The following TMEM165 variants were observed in gnomAD, a reference collection of about 807,000 sequenced individuals.
TMEM165 encodes transmembrane protein 165, also known as putative divalent cation/proton antiporter TMEM165.
A neutral mutation model predicts 30.0 loss-of-function variants in TMEM165; 19 were observed. That is an observed-to-expected ratio of 0.63 (90% CI 0.44 to 0.93). The LOEUF (loss-of-function observed/expected upper bound fraction) is 0.93, where lower values mean the gene tolerates loss of function less well. TMEM165 is among the 40% of genes least tolerant of loss of function. The pLI is 0.00. For missense variants in TMEM165, 340 were observed against 417.0 expected (o/e 0.82, Z 1.61); for synonymous variants, 168 against 162.9 (o/e 1.03, Z -0.24).
chr4:55,402,456 T>A (rs1721060148), intron 1 of TMEM165, among the ~76,000 whole-genome samples: 1 of 100,626 alleles, frequency 9.9e-6, no homozygotes, highest in Non-Finnish European at 1.9e-5. Flanking sequence ...TTTTTTTTTT[T>A]TTTTTTTTTT....
intron 3 of TMEM165, chr4:55,438,393 T>C: frequency 6.2e-7 from 1 of 1,613,918 alleles, no homozygotes; most frequent in East Asian, 2.2e-5. Flanking sequence ...TTACTGACAA[T>C]GTCTGTGACT....
chr4:55,438,464 T>C (rs772118839), intron 3 of TMEM165: 3 of 1,613,862 alleles, frequency 1.9e-6, no homozygotes, highest in Admixed American at 3.3e-5. Context: ...AGCATAGTAC[T>C]AGGTACCATG....
At position 55,402,569 on chromosome 4, in the gene TMEM165, T is replaced by G. The variant is rs914102401; in HGVS notation, c.207+6173T>G. ...TTCATGCAATTCTCATGCCTCAGCC[T>G]CCAGAGTGGCTGAGACTACAGGTGC... On this transcript the variant is annotated intron_variant, in intron 1 of 5. Coordinates refer to ENST00000381334, the MANE Select transcript of TMEM165 (RefSeq NM_018475.5). 1.5e-5 allele frequency among the ~76,000 whole-genome samples: 2 copies of G among 137,206 alleles called. 1 individual carries two copies. The highest frequency in any genetic ancestry group is 5.9e-5 in the African/African-American group (2 of 34,120). 90.0% of individuals were successfully genotyped at this position (137,206 alleles called of 152,430 possible).
chr4:55,428,872 T>C (rs907217213), downstream of TMEM165: 37 of 151,258 alleles, frequency 2.4e-4, no homozygotes, highest in African/African-American at 6.3e-4. Context: ...ATAGAGTGAA[T>C]ATGAAAATGC....
At chr4:55,440,337 T>C (rs970913772) in intron 3 of TMEM165, among the ~76,000 whole-genome samples, 1 of 152,192 alleles carries the variant, frequency 6.6e-6, no homozygotes, top group African/African-American at 2.4e-5. Flanking sequence ...CTGCTTCCTT[T>C]TGCTTTTTGA....
chr4:55,410,671 A>G (rs117917979), intron 1 of TMEM165, among the ~76,000 whole-genome samples: 1 of 152,280 alleles, frequency 6.6e-6, no homozygotes, highest in East Asian at 1.9e-4. Flanking sequence ...TACCCTGCTG[A>G]GGTTTGTGGG....
At chr4:55,422,322 A>G (rs1172966743) in intron 4 of TMEM165, among the ~76,000 whole-genome samples, 1 of 152,068 alleles carries the variant, frequency 6.6e-6, no homozygotes, top group Non-Finnish European at 1.5e-5. Flanking sequence ...CAGTGGCACA[A>G]TCTTGGCTTG....
chr4:55,444,840 A>G, intron 3 of TMEM165: 7 of 1,543,344 alleles, frequency 4.5e-6, no homozygotes, highest in South Asian at 1.1e-5. Context: ...CTTACTCCTT[A>G]TAATTGCACA....
chr4:55,442,615 C>G, intron 3 of TMEM165: 1 of 1,612,990 alleles, frequency 6.2e-7, no homozygotes. Context: ...ACTGTGCCCA[C>G]TCAGTACATT....
Position 55,396,308 on chromosome 4 carries a change from G to T in TMEM165, c.119G>T (p.Ser40Ile). The change falls in exon 1 of 6, where the codon AGC becomes ATC. Residue 40 changes from serine to isoleucine, a missense_variant. Around this residue, in one of 2 missense-constraint regions of TMEM165, gnomAD observed 120 missense variants for 109.4 expected, o/e 1.10. Transcript: ENST00000381334. ...CGGGCCGGCCCAGATGAAGACCTTA[G>T]CCACCGGAACAAAGAACCGCCGGCG... ...AVRAGPDEDL[S>I]HRNKEPPAPA... 1 of 1,528,700 alleles carries T rather than the reference G, an allele frequency of 6.5e-7. No homozygotes were observed. The highest frequency in any genetic ancestry group is 8.8e-7 in the Non-Finnish European group (1 of 1,142,578). 94.7% of individuals were successfully genotyped at this position (1,528,700 alleles called of 1,614,324 possible).
intron 3 of TMEM165, among the ~76,000 whole-genome samples, chr4:55,450,702 G>A (rs1724357555): frequency 6.6e-6 from 1 of 151,998 alleles, no homozygotes; most frequent in African/African-American, 2.4e-5. Context: ...TGAGGAGGCG[G>A]AGGATGTAGT....
At chr4:55,440,874 T>C (rs369269155) in intron 3 of TMEM165, among the ~76,000 whole-genome samples, 1 of 152,160 alleles carries the variant, frequency 6.6e-6, no homozygotes, top group South Asian at 2.1e-4. Context: ...AGCTCAAGTC[T>C]TGAAGAGTCA....
At chr4:55,439,952 G>C (rs1723215703) in intron 3 of TMEM165, among the ~76,000 whole-genome samples, 2 of 152,098 alleles carry the variant, frequency 1.3e-5, no homozygotes, top group South Asian at 4.2e-4. Flanking sequence ...CAGTGACAAT[G>C]AACTGTATAT....
chr4:55,427,052 TTGA>T (rs1305855675), downstream of TMEM165, among the ~76,000 whole-genome samples: 11 of 98,928 alleles, frequency 1.1e-4, no homozygotes, highest in South Asian at 3.5e-3. Context: ...TTTTTTTTTT[TTGA>T]GAGAGTCTCA....
chr4:55,409,600 TCTGGCCTCTACCCA>T (rs774272971), intron 1 of TMEM165, among the ~76,000 whole-genome samples: 20 of 152,212 alleles, frequency 1.3e-4, no homozygotes, highest in Admixed American at 2.6e-4. Flanking sequence ...TAGCAGCGTT[TCTGGCCTCTACCCA>T]CTAGATGCCA....
intron 1 of TMEM165, among the ~76,000 whole-genome samples, chr4:55,398,227 A>T (rs1338852627): frequency 1.3e-5 from 2 of 152,206 alleles, no homozygotes; most frequent in Admixed American, 1.3e-4. Flanking sequence ...AGTTCCCCTT[A>T]CTGGAAGTAC....
chr4:55,409,389 A>G (rs891346061), intron 1 of TMEM165, among the ~76,000 whole-genome samples: 10 of 152,090 alleles, frequency 6.6e-5, no homozygotes, highest in Non-Finnish European at 1.3e-4. Flanking sequence ...CAAAATTACT[A>G]TGTTCTTGGG....
chr4:55,397,236 G>C (rs547150454), intron 1 of TMEM165: 75 of 152,154 alleles, frequency 4.9e-4, no homozygotes, highest in Admixed American at 4.4e-3. Context: ...TAATCTTCCC[G>C]AACATTGAAT....
intron 3 of TMEM165, among the ~76,000 whole-genome samples, chr4:55,439,107 T>A (rs927705474): frequency 1.3e-5 from 2 of 152,178 alleles, no homozygotes; most frequent in African/African-American, 4.8e-5. Flanking sequence ...AATATCTGCA[T>A]ATCATCCTTC....
Sources: gnomAD v4.1 joint callset for allele counts (sites outside exome capture counted in the v4.1 genomes callset) on GRCh38, gnomAD v4.1.1 for gene constraint, gnomAD v4.1.1 regional missense constraint, MANE v1.5 for transcripts, NCBI Gene and HGNC (gene_info 2026-07-23, HGNC 2026-07-21) for gene names.